SLC35F1: variants seen among roughly 807,000 people sequenced by gnomAD.
The protein encoded by SLC35F1 is chromosome 6 open reading frame 169.
In SLC35F1, 14 loss-of-function variants were observed where a neutral mutation model predicts 48.7. The ratio of observed to expected loss-of-function variants is 0.29; its 90% CI spans 0.19 to 0.45. The LOEUF (loss-of-function observed/expected upper bound fraction) is 0.45. Among genes scored for constraint, SLC35F1 ranks in the 20% least tolerant of loss-of-function variants. SLC35F1 has a pLI of 1.00. For missense variants in SLC35F1, 404 were observed against 500.0 expected, an observed-to-expected ratio of 0.81 and a Z score of 1.83; for synonymous variants, 190 against 202.2, an observed-to-expected ratio of 0.94 and a Z score of 0.51.
chr6:118,226,792 T>G (rs1164315802), intron 2 of SLC35F1, among the ~76,000 whole-genome samples: 1 of 152,228 alleles, frequency 6.6e-6, no homozygotes, highest in Non-Finnish European at 1.5e-5. Context: ...TAGCTCATTA[T>G]AATTAACTAT....
chr6:118,212,833 T>C (rs1775024154), intron 2 of SLC35F1, among the ~76,000 whole-genome samples: 1 of 151,442 alleles, frequency 6.6e-6, no homozygotes, highest in Admixed American at 6.6e-5. Flanking sequence ...GCAGCACTAT[T>C]ATAAACTATT....
At chr6:117,981,691 A>G (rs1246349198) in intron 1 of SLC35F1, among the ~76,000 whole-genome samples, 2 of 152,186 alleles carry the variant, frequency 1.3e-5, no homozygotes, top group Non-Finnish European at 2.9e-5. Flanking sequence ...AGTGGAATAT[A>G]GTTAATGGTT....
intron 1 of SLC35F1, among the ~76,000 whole-genome samples, chr6:118,144,561 A>C (rs1362511277): frequency 6.6e-6 from 1 of 150,766 alleles, no homozygotes; most frequent in African/African-American, 2.4e-5. Flanking sequence ...ACAAACCTGC[A>C]CATCCTACTC....
chr6:118,232,831 C>T (rs556234750), intron 2 of SLC35F1, among the ~76,000 whole-genome samples: 6 of 152,252 alleles, frequency 3.9e-5, no homozygotes, highest in African/African-American at 1.4e-4. Context: ...TAGCTCGAGT[C>T]ACCATGAGAA....
chr6:118,220,510 A>G (rs1775133341), intron 2 of SLC35F1, among the ~76,000 whole-genome samples: 1 of 152,178 alleles, frequency 6.6e-6, no homozygotes, highest in Non-Finnish European at 1.5e-5. Flanking sequence ...CTCAGAGAGG[A>G]ATAGGCCCAA....
chr6:118,013,587 T>C (rs1777280281), intron 1 of SLC35F1, among the ~76,000 whole-genome samples: 1 of 152,240 alleles, frequency 6.6e-6, no homozygotes, highest in Admixed American at 6.5e-5. Context: ...TTTGTGAGGC[T>C]ATGCTAATGC....
At chr6:118,085,487 CTTTTTTTTTTTT>C (rs59548308) in intron 1 of SLC35F1, among the ~76,000 whole-genome samples, 7 of 56,958 alleles carry the variant, frequency 1.2e-4, no homozygotes, top group South Asian at 7.2e-4. Context: ...TCTTTCTTTC[CTTTTTTTTTTTT>C]TTTTTTTTTT....
intron 1 of SLC35F1, among the ~76,000 whole-genome samples, chr6:117,919,825 G>A (rs958644372): frequency 6.6e-6 from 1 of 152,184 alleles, no homozygotes; most frequent in Non-Finnish European, 1.5e-5. Context: ...CATATGTTCT[G>A]CTGTCTAATT....
chr6:118,316,632 G>A lies in SLC35F1; in HGVS notation c.*2380G>A, dbSNP rs1167177755. On this transcript the variant is annotated 3_prime_UTR_variant, in exon 8 of 8. Coordinates refer to ENST00000360388, the MANE Select transcript of SLC35F1 (RefSeq NM_001029858.4). Reference sequence around the variant, plus strand: ...AAATTATCTCCAAGTCCACTCAGTAGACTGGAGTTTTTTAAAAATATAAAT... The same window carrying A: ...AAATTATCTCCAAGTCCACTCAGTAAACTGGAGTTTTTTAAAAATATAAAT... 6.6e-6 allele frequency: 1 copy of A among 152,610 alleles called. No individual in the cohort carries two copies. The highest frequency in any genetic ancestry group is 1.5e-5 in the Non-Finnish European group (1 of 68,042). The allele number at this position is 152,610 out of a possible 1,614,324, so 9.5% of individuals were successfully genotyped here.
At chr6:118,207,506 T>G (rs1408143052) in intron 2 of SLC35F1, among the ~76,000 whole-genome samples, 2 of 152,168 alleles carry the variant, frequency 1.3e-5, no homozygotes, top group Admixed American at 6.5e-5. Context: ...TCTATACACA[T>G]GTGAAATAGA....
intron 2 of SLC35F1, among the ~76,000 whole-genome samples, chr6:118,185,172 C>T (rs536064334): frequency 6.6e-6 from 1 of 152,176 alleles, no homozygotes; most frequent in African/African-American, 2.4e-5. Flanking sequence ...CCCATTTCTT[C>T]CCCCTAGCTC....
intron 1 of SLC35F1, among the ~76,000 whole-genome samples, chr6:117,914,246 ACT>A (rs981207974): frequency 1.3e-5 from 2 of 150,408 alleles, no homozygotes; most frequent in African/African-American, 2.5e-5. Context: ...TTACTATGTG[ACT>A]CTCTGAGGAT....
chr6:118,225,875 C>CAA (rs376054711), intron 2 of SLC35F1, among the ~76,000 whole-genome samples: 112,535 of 131,110 alleles, frequency 0.86, 48,144 homozygotes, highest in East Asian at 0.95. Context: ...GACTTTGTCT[C>CAA]AAAAAAAAAA....
intron 1 of SLC35F1, among the ~76,000 whole-genome samples, chr6:118,039,854 G>GT (rs1772189334): frequency 1.2e-5 from 1 of 85,920 alleles, no homozygotes; most frequent in Non-Finnish European, 2.4e-5. Flanking sequence ...CTACTTCTTT[G>GT]TATGTGTATG....
rs1426237555 is a variant in SLC35F1, at chr6:118,039,041, A to G, written c.174-115404A>G. Among the ~76,000 whole-genome samples the G allele has an allele frequency of 3.9e-5, 6 of 152,286 alleles. No individual in the cohort carries two copies. The East Asian group carries it at 9.6e-4, about 24-fold the overall frequency. On this transcript the variant is annotated intron_variant, in intron 1 of 7. Transcript: ENST00000360388. ...TCAGGTAATATTGCTGAACTCATTT[A>G]TTAACTGTAATAGATTTTTTAAGAT...
At chr6:117,923,710 CAT>C (rs374210640) in intron 1 of SLC35F1, among the ~76,000 whole-genome samples, 869 of 22,528 alleles carry the variant, frequency 0.039, 351 homozygotes, top group South Asian at 0.12. Flanking sequence ...CATATATGTA[CAT>C]ATATACATAT....
intron 1 of SLC35F1, among the ~76,000 whole-genome samples, chr6:118,117,140 AT>A (rs879405633): frequency 6.6e-6 from 1 of 152,176 alleles, no homozygotes; most frequent in Non-Finnish European, 1.5e-5. Context: ...TGAGATGGTC[AT>A]TCTGAGACCT....
intron 1 of SLC35F1, among the ~76,000 whole-genome samples, chr6:118,010,264 G>T (rs1200114961): frequency 6.6e-6 from 1 of 152,088 alleles, no homozygotes; most frequent in African/African-American, 2.4e-5. Context: ...TGACACAAAT[G>T]TTCCATTTAA....
intron 1 of SLC35F1, among the ~76,000 whole-genome samples, chr6:117,987,407 C>G (rs1776862338): frequency 6.7e-6 from 1 of 150,062 alleles, no homozygotes; most frequent in African/African-American, 2.5e-5. Context: ...TTCTCTCCTT[C>G]TCTTTCTCTT....
Sources: gnomAD v4.1 joint callset for allele counts (sites outside exome capture counted in the v4.1 genomes callset) on GRCh38, gnomAD v4.1.1 for gene constraint, MANE v1.5 for transcripts, NCBI Gene and HGNC (gene_info 2026-07-23, HGNC 2026-07-21) for gene names.